The following TENM1 variants were observed in gnomAD, a reference collection of about 807,000 sequenced individuals.
TENM1 encodes the protein teneurin transmembrane protein 1, also known as teneurin-1.
In TENM1, 35 loss-of-function variants were observed where a neutral mutation model predicts 174.8. The observed-to-expected ratio is 0.20, with a 90% CI of 0.15 to 0.27. The LOEUF (loss-of-function observed/expected upper bound fraction) is 0.27, where lower values mean the gene tolerates loss of function less well. Ranked by LOEUF, TENM1 falls within the 10% of genes least tolerant of loss-of-function variation. TENM1 has a pLI of 1.00. For synonymous variants in TENM1, 781 were observed against 798.7 expected, an observed-to-expected ratio of 0.98 and a Z score of 0.37; for missense variants, 1,633 against 2,130.1, an observed-to-expected ratio of 0.77 and a Z score of 4.59.
At chrX:124,920,271 G>T (rs2057998881) in intron 1 of TENM1, among the ~76,000 whole-genome samples, 1 of 111,324 alleles carries the variant, frequency 9.0e-6, no homozygotes, top group African/African-American at 3.3e-5. Context: ...ACAAGACTGA[G>T]ATAATGTTAT....
the TENM1 span, among the ~76,000 whole-genome samples, chrX:124,978,671 T>C: frequency 8.9e-6 from 1 of 111,957 alleles, no homozygotes; most frequent in African/African-American, 3.2e-5. Flanking sequence ...TGTAGCATTG[T>C]GGCTGGTCAA....
chrX:125,137,781 G>T, the TENM1 span, among the ~76,000 whole-genome samples: 1 of 110,495 alleles, frequency 9.1e-6, no homozygotes, highest in African/African-American at 3.3e-5. Context: ...TCTTTGTCAG[G>T]GGGTGCTTCT....
chrX:124,765,992 T>C (rs1035050557), intron 3 of TENM1, among the ~76,000 whole-genome samples: 6 of 112,136 alleles, frequency 5.4e-5, no homozygotes, highest in Non-Finnish European at 1.1e-4. Context: ...ATGAAATACA[T>C]AACTATGAAG....
intron 3 of TENM1, among the ~76,000 whole-genome samples, chrX:124,830,330 C>G (rs1342494923): frequency 2.7e-5 from 3 of 111,654 alleles, no homozygotes; most frequent in African/African-American, 9.8e-5. Context: ...ACATTTGACA[C>G]AGAACAGGGG....
intron 11 of TENM1, among the ~76,000 whole-genome samples, chrX:124,621,019 A>G (rs2050504883): frequency 8.9e-6 from 1 of 112,067 alleles, no homozygotes; most frequent in African/African-American, 3.2e-5. Flanking sequence ...ACAGAATTAT[A>G]GGCACCTTCA....
At chrX:124,749,228 C>T (rs2054006972) in intron 3 of TENM1, among the ~76,000 whole-genome samples, 1 of 111,510 alleles carries the variant, frequency 9.0e-6, no homozygotes, top group African/African-American at 3.3e-5. Flanking sequence ...CTTTATTATG[C>T]TGCAAGTTTC....
the TENM1 span, among the ~76,000 whole-genome samples, chrX:125,117,850 C>A: frequency 7.2e-5 from 8 of 111,189 alleles, no homozygotes; most frequent in Non-Finnish European, 3.8e-5. Context: ...ATCTTTCAAC[C>A]CAGCAATCTC....
Position 124,434,900 on chromosome X carries a change from G to A in TENM1, c.4105-12262C>T, listed in dbSNP as rs780044577. 7.1e-4 allele frequency among the ~76,000 whole-genome samples: 79 copies of A among 111,388 alleles called. 3 individuals are homozygous for A. Among genetic ancestry groups the A allele is most frequent in the Non-Finnish European group, 5.1e-4 (27 of 52,980 alleles). ...ACTGAACCCTCTCAGCCCTTCTGGG[G>A]GTGGGAAGAGGAATATGAAAATGTT... On this transcript the variant is annotated intron_variant, in intron 23 of 31. Coordinates refer to ENST00000422452, the Ensembl canonical transcript of TENM1.
At chrX:124,381,199 C>T in exon 32 of TENM1, 2 of 1,208,615 alleles carry the variant, frequency 1.7e-6, no homozygotes, top group Non-Finnish European at 2.2e-6. Flanking sequence ...CTTCAAGGCA[C>T]CGTCCATCAT....
intron 3 of TENM1, among the ~76,000 whole-genome samples, chrX:124,885,850 A>G (rs2057375318): frequency 9.0e-6 from 1 of 111,622 alleles, no homozygotes; most frequent in South Asian, 3.7e-4. Context: ...AAAATGATCA[A>G]CTAGGATATA....
chrX:124,674,929 C>G (rs1388074545), intron 5 of TENM1, among the ~76,000 whole-genome samples: 1 of 111,329 alleles, frequency 9.0e-6, no homozygotes, highest in Admixed American at 9.6e-5. Flanking sequence ...ACTAAGGGGG[C>G]TATTTTATAT....
At chrX:125,167,537 A>AT in the TENM1 span, among the ~76,000 whole-genome samples, 15 of 111,056 alleles carry the variant, frequency 1.4e-4, no homozygotes, top group African/African-American at 2.3e-4. Context: ...TTTCTATATT[A>AT]TTTTTTTCCT....
At chrX:124,424,511 C>T (rs1203416848) in intron 23 of TENM1, among the ~76,000 whole-genome samples, 1 of 111,907 alleles carries the variant, frequency 8.9e-6, no homozygotes, top group Non-Finnish European at 1.9e-5. Flanking sequence ...AACCACTATT[C>T]TACTTTCTGC....
chrX:124,895,862 T>A (rs977693665), intron 2 of TENM1, 119 bp downstream of exon 5: 6 of 889,829 alleles, frequency 6.7e-6, no homozygotes, highest in Non-Finnish European at 9.4e-6. Context: ...CCTGCTAACT[T>A]GTATTTCCAT....
intron 4 of TENM1, among the ~76,000 whole-genome samples, chrX:124,712,461 ATCTTT>A (rs965626084): frequency 5.4e-5 from 6 of 110,429 alleles, no homozygotes; most frequent in African/African-American, 9.9e-5. Context: ...GATTTTGAAC[ATCTTT>A]TCTTTTCTTT....
intron 1 of TENM1, among the ~76,000 whole-genome samples, chrX:124,954,920 A>G (rs1261132395): frequency 1.8e-5 from 2 of 111,847 alleles, no homozygotes; most frequent in African/African-American, 6.5e-5. Flanking sequence ...TCACACTTTC[A>G]GCACATAACC....
At chrX:124,485,233 C>T (rs187296438) in intron 21 of TENM1, among the ~76,000 whole-genome samples, 3 of 111,191 alleles carry the variant, frequency 2.7e-5, no homozygotes, top group Non-Finnish European at 5.7e-5. Context: ...TCTTTTCCTA[C>T]TTACCTTCAT....
At chrX:124,529,363 T>C (rs1425600355) in intron 16 of TENM1, among the ~76,000 whole-genome samples, 1 of 111,848 alleles carries the variant, frequency 8.9e-6, no homozygotes, top group Admixed American at 9.5e-5. Flanking sequence ...TCAGGATAAA[T>C]CACTATAATT....
intron 3 of TENM1, among the ~76,000 whole-genome samples, chrX:124,828,548 C>T (rs771545821): frequency 8.0e-4 from 90 of 112,380 alleles, no homozygotes; most frequent in Non-Finnish European, 1.1e-3. Context: ...TTTACCACAA[C>T]TCATTTCTGA....
Sources: gnomAD v4.1 joint callset for allele counts (sites outside exome capture counted in the v4.1 genomes callset) on GRCh38, gnomAD v4.1.1 for gene constraint, MANE v1.5 for transcripts, NCBI Gene and HGNC (gene_info 2026-07-23, HGNC 2026-07-21) for gene names.